ETV1: variants seen among roughly 807,000 people sequenced by gnomAD.
The protein encoded by ETV1 is ETS variant transcription factor 1.
ETV1 carries 27 observed loss-of-function variants against 62.3 expected under a neutral mutation model. The observed-to-expected ratio is 0.43, with a 90% CI of 0.32 to 0.60. The LOEUF is 0.60. Ranked by LOEUF, ETV1 falls within the 20% of genes least tolerant of loss-of-function variation. The probability of loss-of-function intolerance (pLI) is 0.06; values close to 1 mark genes in which losing one functional copy is unlikely to be tolerated. For missense variants in ETV1, 605 were observed against 605.8 expected, an observed-to-expected ratio of 1.00 and a Z score of 0.01; for synonymous variants, 222 against 199.6, an observed-to-expected ratio of 1.11 and a Z score of -0.94.
At chr7:13,926,901 A>AT (rs995253690) in intron 9 of ETV1, among the ~76,000 whole-genome samples, 19 of 152,074 alleles carry the variant, frequency 1.2e-4, no homozygotes, top group African/African-American at 4.6e-4. Flanking sequence ...ACTATTTTGC[A>AT]TTTTTTATCT....
At chr7:13,962,767 T>G (rs1162421462) in intron 6 of ETV1, among the ~76,000 whole-genome samples, 1 of 152,154 alleles carries the variant, frequency 6.6e-6, no homozygotes, top group African/African-American at 2.4e-5. Context: ...CCACCCTTGC[T>G]TTCCATATAC....
At chr7:13,979,907 T>C (rs1431124112) in intron 5 of ETV1, among the ~76,000 whole-genome samples, 1 of 152,094 alleles carries the variant, frequency 6.6e-6, no homozygotes, top group Non-Finnish European at 1.5e-5. Context: ...CAGCACAGAC[T>C]CACTGATGGG....
chr7:13,986,794 G>C, intron 4 of ETV1, 109 bp from the exon 5 acceptor site: 1 of 822,552 alleles, frequency 1.2e-6, no homozygotes. Flanking sequence ...AATTTCAAGA[G>C]ACGCAGTCAA....
intron 12 of ETV1, among the ~76,000 whole-genome samples, chr7:13,901,947 CCT>C (rs1176574078): frequency 6.6e-6 from 1 of 152,018 alleles, no homozygotes; most frequent in African/African-American, 2.4e-5. Flanking sequence ...TAAAAAAAAT[CCT>C]CTCTCCTCAA....
chr7:13,931,811 G>C, intron 8 of ETV1, 62 bp from the exon 9 acceptor site: 1 of 1,580,618 alleles, frequency 6.3e-7, no homozygotes, highest in Non-Finnish European at 8.6e-7. Context: ...TTAAAATACG[G>C]ATACGGTTTT....
intron 6 of ETV1, among the ~76,000 whole-genome samples, chr7:13,951,566 C>G (rs1384452976): frequency 1.3e-5 from 2 of 152,120 alleles, no homozygotes; most frequent in African/African-American, 4.8e-5. Flanking sequence ...TCAAGTGTTA[C>G]AGCCAAAAGA....
At chr7:13,947,961 T>C (rs889921501) in intron 6 of ETV1, among the ~76,000 whole-genome samples, 5 of 152,234 alleles carry the variant, frequency 3.3e-5, no homozygotes, top group Non-Finnish European at 2.9e-5. Context: ...GTTTGACTAA[T>C]TCACGTGTGT....
At chr7:13,921,941 A>G (rs1049136260) in intron 9 of ETV1, among the ~76,000 whole-genome samples, 8 of 152,202 alleles carry the variant, frequency 5.3e-5, no homozygotes, top group Non-Finnish European at 4.4e-5. Flanking sequence ...AAAAATATGT[A>G]AATAAAAATG....
intron 6 of ETV1, among the ~76,000 whole-genome samples, chr7:13,956,273 A>G (rs953610501): frequency 6.6e-6 from 1 of 152,132 alleles, no homozygotes; most frequent in Non-Finnish European, 1.5e-5. Flanking sequence ...AATTCTTGTT[A>G]CACTTTATAG....
intron 6 of ETV1, among the ~76,000 whole-genome samples, chr7:13,964,828 C>G (rs770076151): frequency 6.6e-6 from 1 of 152,030 alleles, no homozygotes; most frequent in Admixed American, 6.6e-5. Flanking sequence ...TTGCTATTTT[C>G]CCAACACACA....
intron 5 of ETV1, 133 bp from the exon 6 acceptor site, chr7:13,977,613 C>T: frequency 1.6e-6 from 1 of 642,964 alleles, no homozygotes; most frequent in East Asian, 2.8e-5. Flanking sequence ...CAATGAGCTC[C>T]TATTTAAAAT....
intron 6 of ETV1, among the ~76,000 whole-genome samples, chr7:13,970,327 A>ACACACAC (rs1562698780): frequency 4.6e-5 from 6 of 130,544 alleles, no homozygotes; most frequent in African/African-American, 1.5e-4. Flanking sequence ...CACACACACA[A>ACACACAC]AGCAGCAACT....
At chr7:13,964,546 G>A (rs1216031884) in intron 6 of ETV1, among the ~76,000 whole-genome samples, 1 of 152,068 alleles carries the variant, frequency 6.6e-6, no homozygotes, top group Non-Finnish European at 1.5e-5. Context: ...ACTAAGCTAA[G>A]AATTATGCAT....
At chr7:13,916,277 A>G (rs1784141981) in intron 9 of ETV1, among the ~76,000 whole-genome samples, 1 of 152,118 alleles carries the variant, frequency 6.6e-6, no homozygotes, top group South Asian at 2.1e-4. Context: ...TATGGGGGAG[A>G]AATATGTTAA....
At chr7:13,960,404 C>CA (rs1790030628) in intron 6 of ETV1, among the ~76,000 whole-genome samples, 1 of 152,126 alleles carries the variant, frequency 6.6e-6, no homozygotes, top group African/African-American at 2.4e-5. Flanking sequence ...CTGAGTTATT[C>CA]AATACTCATC....
Position 13,931,595 on chromosome 7 carries a change from C to T in ETV1, c.709G>A (p.Glu237Lys), listed in dbSNP as rs1786174214. ...GCACTGCCAACCATGGTGTTGTGTT[C>T]ATACACTGGGTCGTGGTACTCCTGC... The part of the protein sequence containing the change: ...FKQEYHDPVY[E>K]HNTMVGSAAS... Residue 237 changes from glutamate (E) to lysine (K), a missense_variant, in exon 9 of 14, where the codon GAA (glutamate) becomes AAA (lysine). By Grantham distance (56) the Glu-to-Lys change is moderately conservative (BLOSUM62 1). Coordinates refer to ENST00000430479, the MANE Select transcript of ETV1 (RefSeq NM_004956.5). The T allele has an allele frequency of 6.2e-7, 1 of 1,613,906 alleles. No individual in the cohort carries two copies. The highest frequency in any genetic ancestry group is 1.7e-5 in the Admixed American group (1 of 60,002).
intron 4 of ETV1, 41 bp downstream of exon 4, chr7:13,988,045 T>C (rs996778403): frequency 2.8e-6 from 3 of 1,086,620 alleles, no homozygotes; most frequent in African/African-American, 3.1e-5. Flanking sequence ...GTGGAGAGTG[T>C]AGGTAAAAAA....
In ETV1 at chr7:13,931,565, T is replaced by C. The variant is rs778475905; in HGVS notation, c.739A>G (p.Ser247Gly). 4.3e-6 allele frequency: 7 copies of C among 1,613,968 alleles called. No individual in the cohort carries two copies. Among genetic ancestry groups the C allele is most frequent in the Non-Finnish European group, 5.9e-6 (7 of 1,179,912 alleles). Residue 247 changes from serine (S) to glycine (G), a missense_variant, in exon 9 of 14, where the codon AGC (serine) becomes GGC (glycine). Around this residue, in one of 3 missense-constraint regions of ETV1, gnomAD observed 426 missense variants for 377.8 expected, o/e 1.13. Coordinates refer to ENST00000430479, the MANE Select transcript of ETV1 (RefSeq NM_004956.5). ...ATCAGAGGAGGGGGAAAGCTTTGGC[T>C]GGCCGCACTGCCAACCATGGTGTTG... ...EHNTMVGSAASQSFPPPLMIK... is the reference protein window; with the variant it reads ...EHNTMVGSAAGQSFPPPLMIK...
At chr7:13,946,297 A>T (rs1352678140) in intron 6 of ETV1, among the ~76,000 whole-genome samples, 1 of 152,226 alleles carries the variant, frequency 6.6e-6, no homozygotes, top group Non-Finnish European at 1.5e-5. Flanking sequence ...AAAGGCAGAA[A>T]GAACACTCAA....
Sources: gnomAD v4.1 joint callset for allele counts (sites outside exome capture counted in the v4.1 genomes callset) on GRCh38, gnomAD v4.1.1 for gene constraint, gnomAD v4.1.1 regional missense constraint, MANE v1.5 for transcripts, NCBI Gene and HGNC (gene_info 2026-07-23, HGNC 2026-07-21) for gene names.